RIMBP2: variants seen among roughly 807,000 people sequenced by gnomAD.
The protein encoded by RIMBP2 is RIMS-binding protein 2.
In RIMBP2, 48 loss-of-function variants were observed where a neutral mutation model predicts 118.6. The observed-to-expected ratio is 0.40, with a 90% CI of 0.32 to 0.51. The LOEUF (loss-of-function observed/expected upper bound fraction) is 0.51. Ranked by LOEUF, RIMBP2 falls within the 20% of genes least tolerant of loss-of-function variation. RIMBP2 has a pLI of 0.41. For synonymous variants in RIMBP2, 762 were observed against 742.9 expected, an observed-to-expected ratio of 1.03 and a Z score of -0.42; for missense variants, 1,551 against 1,768.3, an observed-to-expected ratio of 0.88 and a Z score of 2.20.
At chr12:130,441,541 T>G (rs1265525717) in intron 11 of RIMBP2, among the ~76,000 whole-genome samples, 2 of 152,204 alleles carry the variant, frequency 1.3e-5, no homozygotes, top group South Asian at 2.1e-4. Flanking sequence ...CAGGGGTGCA[T>G]GTGACACGGA....
rs75253015 is a variant in RIMBP2 at position 130,609,983 on chromosome 12, G to A, written c.-217+18339C>T. On this transcript the variant is annotated intron_variant, in intron 2 of 22. Coordinates refer to ENST00000690449, the MANE Select transcript of RIMBP2 (RefSeq NM_001393629.1). ...TGACGATTCCTTAGTCCACTGATCC[G>A]AATGCTCACCTTCTCCAGAAACGCC... 4.8e-3 allele frequency among the ~76,000 whole-genome samples: 737 copies of A among 152,226 alleles called. 8 individuals carry two copies. Among genetic ancestry groups the A allele is most frequent in the African/African-American group, 0.017 (696 of 41,550 alleles).
intron 2 of RIMBP2, among the ~76,000 whole-genome samples, chr12:130,601,625 C>T (rs1224624047): frequency 1.3e-5 from 2 of 152,158 alleles, no homozygotes; most frequent in Non-Finnish European, 2.9e-5. Context: ...TCTTCCAGCA[C>T]ACATAGAATG....
chr12:130,558,212 G>A (rs1161643215), intron 2 of RIMBP2, among the ~76,000 whole-genome samples: 1 of 152,088 alleles, frequency 6.6e-6, no homozygotes, highest in Non-Finnish European at 1.5e-5. Flanking sequence ...TTTTTTAGCT[G>A]ACAGCATCCA....
Position 130,535,728 on chromosome 12 carries a change from CATATATATACATATATATATAT to C in RIMBP2, c.-216-17833_-216-17812del, listed in dbSNP as rs1408016274. Among the ~76,000 whole-genome samples, 418 of 127,976 alleles carry C rather than the reference CATATATATACATATATATATAT, an allele frequency of 3.3e-3. 2 individuals carry two copies. Among genetic ancestry groups the C allele is most frequent in the South Asian group, 5.0e-3 (19 of 3,828 alleles). 84.0% of individuals were successfully genotyped at this position (127,976 alleles called of 152,430 possible). A position where few individuals can be genotyped will look rare whatever the true frequency, so the allele number is the denominator to read the frequency against. ...ACACATATACATATACATATATATA[CATATATATACATATATATATAT>C]ATATATATATATATATATATATATA... On this transcript the variant is annotated intron_variant, in intron 2 of 22. Transcript: ENST00000690449.
chr12:130,443,246 CAAA>C (rs59960598), intron 10 of RIMBP2, among the ~76,000 whole-genome samples: 8 of 115,152 alleles, frequency 6.9e-5, no homozygotes, highest in Admixed American at 1.9e-4. Context: ...AGTTGTGTGG[CAAA>C]AAAAAAAAAA....
chr12:130,438,335 A>AGCCACCCCC, intron 12 of RIMBP2, 30 bp downstream of exon 12: 1 of 865,008 alleles, frequency 1.2e-6, no homozygotes, highest in Non-Finnish European at 1.9e-6. Context: ...GGCCTAACAA[A>AGCCACCCCC]CCCTCCCCAC....
intron 19 of RIMBP2, among the ~76,000 whole-genome samples, chr12:130,412,219 G>A (rs2075772690): frequency 6.6e-6 from 1 of 152,128 alleles, no homozygotes; most frequent in South Asian, 2.1e-4. Context: ...ATAAGCAAAG[G>A]TCACCTAAAG....
In RIMBP2 at chr12:130,438,307, C is replaced by G. The variant is rs1017879808; in HGVS notation, c.1656+58G>C. 2.0e-5 allele frequency: 32 copies of G among 1,586,822 alleles called. No individual in the cohort carries two copies. The Admixed American group carries it at 2.9e-4, about 14-fold the overall frequency. ...CTCCTCCACTGAGCAAATACCGGGC[C>G]GGTCCCTGCTGCGTTAGGGCCTAAC... On this transcript the variant is annotated intron_variant, in intron 12 of 22. Transcript: ENST00000690449.
chr12:130,437,763 G>A (rs1189633887), intron 12 of RIMBP2, among the ~76,000 whole-genome samples: 8 of 152,188 alleles, frequency 5.3e-5, no homozygotes, highest in Admixed American at 5.2e-4. Flanking sequence ...GAGTCTGCAG[G>A]AAGCGGCTCA....
chr12:130,532,916 C>T (rs1262040234), intron 2 of RIMBP2, among the ~76,000 whole-genome samples: 4 of 149,824 alleles, frequency 2.7e-5, no homozygotes, highest in Middle Eastern at 3.3e-3. Context: ...TAATGAGATG[C>T]GTGTGTTTAG....
chr12:130,713,573 A>C (rs1950117373), intron 1 of RIMBP2, among the ~76,000 whole-genome samples: 1 of 152,254 alleles, frequency 6.6e-6, no homozygotes. Flanking sequence ...TGGAATCAGC[A>C]GCTCTGCTTG....
intron 3 of RIMBP2, 65 bp from the exon 4 acceptor site, chr12:130,506,835 C>T (rs2050403416): frequency 1.5e-5 from 15 of 981,884 alleles, no homozygotes; most frequent in Non-Finnish European, 1.8e-5. Context: ...GTATCCGTTG[C>T]TTCCTCTTTA....
chr12:130,466,483 G>A (rs1201100346), intron 6 of RIMBP2, among the ~76,000 whole-genome samples: 1 of 152,160 alleles, frequency 6.6e-6, no homozygotes, highest in Non-Finnish European at 1.5e-5. Context: ...AGAGAACAGG[G>A]CCCAGAAGTG....
At chr12:130,662,210 C>T (rs1175002885) in intron 1 of RIMBP2, among the ~76,000 whole-genome samples, 3 of 152,182 alleles carry the variant, frequency 2.0e-5, no homozygotes, top group Non-Finnish European at 2.9e-5. Flanking sequence ...ACCCGTCACG[C>T]TCTGGGGAGA....
chr12:130,434,687 A>G lies in RIMBP2; in HGVS notation c.2253+47T>C. The G allele has an allele frequency of 6.3e-7, 1 of 1,579,184 alleles. No individual in the cohort carries two copies. Among genetic ancestry groups the G allele is most frequent in the Non-Finnish European group, 8.6e-7 (1 of 1,164,674 alleles). On this transcript the variant is annotated intron_variant, in intron 14 of 22. Transcript: ENST00000690449. This position sits in a 1 kb window ranked among gnomAD's most constrained non-coding sequence, Gnocchi z 5.7. ...CTTGATCTCCACGGGGCCCGCTCCG[A>G]GCCCGCGCCCACCAGGAGGATGGTG...
At chr12:130,647,951 C>T (rs1238378769) in intron 1 of RIMBP2, among the ~76,000 whole-genome samples, 2 of 130,858 alleles carry the variant, frequency 1.5e-5, no homozygotes, top group Non-Finnish European at 1.8e-5. Context: ...CTGTTTGGCC[C>T]GACTGCAGTG....
intron 1 of RIMBP2, among the ~76,000 whole-genome samples, chr12:130,707,951 C>A (rs561068972): frequency 6.6e-6 from 1 of 152,264 alleles, no homozygotes; most frequent in Non-Finnish European, 1.5e-5. Flanking sequence ...AGACTATACG[C>A]ATTACACATG....
chr12:130,667,088 GAGGGAGGA>G (rs2063970790), intron 1 of RIMBP2, among the ~76,000 whole-genome samples: 1 of 112,024 alleles, frequency 8.9e-6, no homozygotes, highest in Non-Finnish European at 1.9e-5. Context: ...AAAAATGAGG[GAGGGAGGA>G]TGGGAGAAAA....
At chr12:130,444,839 A>G (rs1212534072) in intron 10 of RIMBP2, among the ~76,000 whole-genome samples, 1 of 152,222 alleles carries the variant, frequency 6.6e-6, no homozygotes, top group Admixed American at 6.5e-5. Context: ...AGAGCAGGAG[A>G]GACACTTTTG....
Sources: allele counts gnomAD v4.1 joint callset (sites outside exome capture counted in the v4.1 genomes callset), GRCh38; gene constraint gnomAD v4.1.1; non-coding constraint Gnocchi (gnomAD v3.1); transcripts MANE v1.5; gene names NCBI Gene and HGNC (gene_info 2026-07-23, HGNC 2026-07-21).